The following IL2RB variants were observed in gnomAD, a reference collection of about 807,000 sequenced individuals.
IL2RB encodes interleukin 2 receptor subunit beta.
In IL2RB, 17 loss-of-function variants were observed where a neutral mutation model predicts 44.2. The observed-to-expected ratio is 0.38, with a 90% CI of 0.26 to 0.58. The LOEUF (loss-of-function observed/expected upper bound fraction) is 0.58, where lower values mean the gene tolerates loss of function less well. Among genes scored for constraint, IL2RB ranks in the 20% least tolerant of loss-of-function variants. The pLI is 0.63. For missense variants in IL2RB, 624 were observed against 685.5 expected, an observed-to-expected ratio of 0.91 and a Z score of 1.00; for synonymous variants, 286 against 297.9, an observed-to-expected ratio of 0.96 and a Z score of 0.41.
chr22:37,173,977 G>A (rs1923369466), intron 1 of IL2RB, among the ~76,000 whole-genome samples: 2 of 152,186 alleles, frequency 1.3e-5, no homozygotes, highest in East Asian at 1.9e-4. Context: ...GAGTTTTTAC[G>A]AAATGTGAAC....
rs758824351 is a variant in IL2RB, at chr22:37,128,568, C to T, written c.1184G>A (p.Gly395Asp). The T allele has an allele frequency of 6.2e-7, 1 of 1,614,000 alleles. No homozygotes were observed. The highest frequency in any genetic ancestry group is 8.5e-7 in the Non-Finnish European group (1 of 1,179,918). Residue 395 changes from glycine to aspartate, a missense_variant, in exon 10 of 10, where the codon GGT becomes GAT. Gly to Asp is a moderately conservative substitution (Grantham distance 94). Around this residue, in one of 3 missense-constraint regions of IL2RB, gnomAD observed 291 missense variants for 275.5 expected, o/e 1.06. Transcript: ENST00000216223. The surrounding 1 kb of genome is among the most constrained non-coding windows in gnomAD (Gnocchi z 4.5). ...AGACCCTGTGGGTGCCCCGGCCACA[C>T]CCTCATCAGGGTCTTCCTCTGAGTA... ...DPYSEEDPDE[G>D]VAGAPTGSSP...
intron 1 of IL2RB, among the ~76,000 whole-genome samples, chr22:37,159,884 G>A (rs1922802296): frequency 6.6e-6 from 1 of 152,244 alleles, no homozygotes; most frequent in Non-Finnish European, 1.5e-5. Flanking sequence ...CATGGTCCCT[G>A]CATCTGCAGC....
At chr22:37,139,429 TCC>T (rs2146239499) in intron 4 of IL2RB, among the ~76,000 whole-genome samples, 1 of 152,310 alleles carries the variant, frequency 6.6e-6, no homozygotes, top group Admixed American at 6.5e-5. Flanking sequence ...ATGACTCAAC[TCC>T]GCCACTGTAG....
upstream of IL2RB, among the ~76,000 whole-genome samples, chr22:37,153,135 A>T (rs904837202): frequency 3.3e-5 from 5 of 152,028 alleles, no homozygotes; most frequent in Admixed American, 3.3e-4. Flanking sequence ...GGGTTTCCCC[A>T]TGTTGGCCAG....
Position 37,128,709 on chromosome 22 carries a change from G to C in IL2RB, c.1043C>G (p.Ser348Cys). ...GGTCAGCGAGTGGTTGCTGCTTAAG[G>C]ATGCGGGCTCAGGCACCTTGTCCTG... is the stretch of plus-strand genomic sequence containing the variant. Reference protein sequence around the residue: ...LQQDKVPEPASLSSNHSLTSC... With the variant: ...LQQDKVPEPACLSSNHSLTSC... The change falls in exon 10 of 10, where the codon TCC (serine) becomes TGC (cysteine). Residue 348 changes from serine to cysteine, a missense_variant. Coordinates refer to ENST00000216223, the MANE Select transcript of IL2RB (RefSeq NM_000878.5). The surrounding 1 kb of genome is among the most constrained non-coding windows in gnomAD (Gnocchi z 4.5). 6.2e-7 allele frequency: 1 copy of C among 1,614,200 alleles called. No individual in the cohort carries two copies. Among genetic ancestry groups the C allele is most frequent in the South Asian group, 1.1e-5 (1 of 91,090 alleles).
intron 4 of IL2RB, among the ~76,000 whole-genome samples, chr22:37,140,286 CATTATTATTATTATTATTATT>C (rs58127106): frequency 0.014 from 1,964 of 145,476 alleles, 55 homozygotes; most frequent in African/African-American, 0.044. Context: ...ATAGTAGTCT[CATTATTATTATTATTATTATT>C]ATTATTATTA....
chr22:37,154,122 T>C (rs1601608769), upstream of IL2RB, among the ~76,000 whole-genome samples: 1 of 152,192 alleles, frequency 6.6e-6, no homozygotes, highest in East Asian at 1.9e-4. Context: ...TCCACCCTCG[T>C]GCCCCTGAGA....
At chr22:37,135,276 G>A (rs1489278435) in intron 8 of IL2RB, 52 bp downstream of exon 8, 1 of 1,187,046 alleles carries the variant, frequency 8.4e-7, no homozygotes, top group Non-Finnish European at 1.3e-6. Flanking sequence ...GTGCATGTGT[G>A]TGCACGTTGG....
chr22:37,143,278 C>T (rs911297213), intron 3 of IL2RB, among the ~76,000 whole-genome samples: 2 of 152,114 alleles, frequency 1.3e-5, no homozygotes, highest in East Asian at 3.9e-4. Context: ...CCAGTTCATC[C>T]CCAGCCCCTC....
intron 5 of IL2RB, among the ~76,000 whole-genome samples, chr22:37,138,058 G>A (rs757260348): frequency 2.0e-5 from 3 of 152,138 alleles, no homozygotes; most frequent in Non-Finnish European, 2.9e-5. Context: ...AGCTCCTTGA[G>A]GGCAGGGACT....
At chr22:37,129,028 G>C (rs924922629) in intron 9 of IL2RB, among the ~76,000 whole-genome samples, 180 bp from the exon 10 acceptor site, 1 of 152,196 alleles carries the variant, frequency 6.6e-6, no homozygotes, top group African/African-American at 2.4e-5. Context: ...CCACTGGCTT[G>C]GGGGCCCTCT....
intron 5 of IL2RB, among the ~76,000 whole-genome samples, chr22:37,138,671 A>T (rs1468677043): frequency 1.3e-5 from 2 of 152,236 alleles, no homozygotes; most frequent in Non-Finnish European, 2.9e-5. Flanking sequence ...ACAACCCAGG[A>T]CATACATTCC....
intron 8 of IL2RB, among the ~76,000 whole-genome samples, chr22:37,134,255 C>G (rs898536316): frequency 6.6e-6 from 1 of 152,092 alleles, no homozygotes; most frequent in Non-Finnish European, 1.5e-5. Context: ...AGGAGATGAC[C>G]TAAAGTCTCT....
At chr22:37,165,489 T>C (rs914115906) in intron 1 of IL2RB, among the ~76,000 whole-genome samples, 1 of 152,080 alleles carries the variant, frequency 6.6e-6, no homozygotes, top group African/African-American at 2.4e-5. Context: ...GGCTGGGAGT[T>C]ATAGCAGCCA....
intron 1 of IL2RB, among the ~76,000 whole-genome samples, chr22:37,148,772 G>A (rs1019215143): frequency 6.6e-6 from 1 of 152,072 alleles, no homozygotes; most frequent in Non-Finnish European, 1.5e-5. Flanking sequence ...TCACCCAGGC[G>A]AGAAGGGCAT....
upstream of IL2RB, among the ~76,000 whole-genome samples, chr22:37,152,929 C>T (rs866977935): frequency 2.0e-4 from 17 of 86,976 alleles, no homozygotes; most frequent in Admixed American, 1.6e-3. Flanking sequence ...GCTGTGGCCT[C>T]TTTTTTTTTT....
At chr22:37,159,286 C>T (rs1480414086) in intron 1 of IL2RB, among the ~76,000 whole-genome samples, 1 of 151,786 alleles carries the variant, frequency 6.6e-6, no homozygotes, top group Admixed American at 6.6e-5. Context: ...TTAAAATGTC[C>T]CTCTAAGAAG....
chr22:37,146,756 C>T (rs1922248242), intron 1 of IL2RB, among the ~76,000 whole-genome samples: 2 of 152,098 alleles, frequency 1.3e-5, no homozygotes, highest in Admixed American at 6.5e-5. Flanking sequence ...GCCGGGCACA[C>T]AGTCGGTGCT....
rs903113556 is a variant in IL2RB, at chr22:37,141,856, C to T, written c.282+578G>A. 6.6e-5 allele frequency among the ~76,000 whole-genome samples: 10 copies of T among 152,176 alleles called. No individual in the cohort carries two copies. The highest frequency in any genetic ancestry group is 8.8e-5 in the Non-Finnish European group (6 of 68,018). On this transcript the variant is annotated intron_variant, in intron 4 of 9. Transcript: ENST00000216223. The surrounding 1 kb of genome is among the most constrained non-coding windows in gnomAD (Gnocchi z 4.4). ...CCCGAGCAGCCTGGGCAGAAGGAGG[C>T]GGGTCCCTGGTGAGGTCCCACCTTC...
Sources: gnomAD v4.1 joint callset for allele counts (sites outside exome capture counted in the v4.1 genomes callset) on GRCh38, gnomAD v4.1.1 for gene constraint, gnomAD v4.1.1 regional missense constraint, Gnocchi (gnomAD v3.1) non-coding constraint, MANE v1.5 for transcripts, NCBI Gene and HGNC (gene_info 2026-07-23, HGNC 2026-07-21) for gene names.